Variants in HS6ST1 observed in about 807,000 individuals in gnomAD.
HS6ST1 encodes heparan sulfate 6-O-sulfotransferase 1.
Under a neutral mutation model 25.2 loss-of-function variants are expected in HS6ST1, and 3 were observed. That is an observed-to-expected ratio of 0.12 (90% CI 0.05 to 0.31). HS6ST1 has a LOEUF of 0.31. HS6ST1 is among the 10% of genes least tolerant of loss of function. The probability of loss-of-function intolerance (pLI) is 1.00; values close to 1 mark genes in which losing one functional copy is unlikely to be tolerated. For synonymous variants in HS6ST1, 204 were observed against 275.1 expected, an observed-to-expected ratio of 0.74 and a Z score of 2.56; for missense variants, 310 against 609.6, an observed-to-expected ratio of 0.51 and a Z score of 5.18.
intron 1 of HS6ST1, among the ~76,000 whole-genome samples, chr2:128,281,220 G>T (rs574689356): frequency 6.6e-6 from 1 of 152,222 alleles, no homozygotes; most frequent in Non-Finnish European, 1.5e-5. Flanking sequence ...GCCTCATGAC[G>T]CTGCTTCTGC....
rs191787262 is a variant in HS6ST1 at position 128,266,294 on chromosome 2, C to G, written c.*1868G>C. The G allele has an allele frequency of 6.6e-6, 1 of 152,338 alleles. No homozygotes were observed. Among genetic ancestry groups the G allele is most frequent in the Non-Finnish European group, 1.5e-5 (1 of 68,146 alleles). The allele number at this position is 152,338 out of a possible 1,614,324, so 9.4% of individuals were successfully genotyped here. ...TGCACCCACCCCCATGTTGAGTGTC[C>G]GAGCAGATTCCCATTGACCCTGACC... On this transcript the variant is annotated 3_prime_UTR_variant, in exon 2 of 2. Transcript: ENST00000259241.
At chr2:128,302,482 C>T (rs563506770) in intron 1 of HS6ST1, among the ~76,000 whole-genome samples, 1 of 152,294 alleles carries the variant, frequency 6.6e-6, no homozygotes, top group East Asian at 1.9e-4. Context: ...TCTGCAGCTC[C>T]TCTAGGTGTA....
rs532660502 is a variant in HS6ST1, at chr2:128,299,799, C to T, written c.527+18238G>A. 5.9e-5 allele frequency among the ~76,000 whole-genome samples: 9 copies of T among 152,324 alleles called. No individual in the cohort carries two copies. In the East Asian group the frequency reaches 1.5e-3, roughly 26 times the overall value. ...GCTCATAACCCCTCCCCCATCCCGG[C>T]CCTGCTAACACAGCCCATCTGCCAG... On this transcript the variant is annotated intron_variant, in intron 1 of 1. Transcript: ENST00000259241.
At chr2:128,282,689 C>T (rs1693805841) in intron 1 of HS6ST1, among the ~76,000 whole-genome samples, 1 of 152,234 alleles carries the variant, frequency 6.6e-6, no homozygotes, top group Non-Finnish European at 1.5e-5. Flanking sequence ...GCCTCTGCAA[C>T]TGCCCCAGCC....
intron 1 of HS6ST1, among the ~76,000 whole-genome samples, chr2:128,288,082 G>A (rs748923481): frequency 2.6e-5 from 4 of 152,344 alleles, no homozygotes; most frequent in African/African-American, 4.8e-5. Context: ...GACTAGGGGC[G>A]GGCTGGCTCG....
intron 1 of HS6ST1, among the ~76,000 whole-genome samples, chr2:128,289,358 A>G (rs934325481): frequency 6.6e-6 from 1 of 152,112 alleles, no homozygotes; most frequent in Non-Finnish European, 1.5e-5. Context: ...CCCAGCAGGC[A>G]TTTGCTCATT....
chr2:128,311,055 C>T (rs1264961384), intron 1 of HS6ST1, among the ~76,000 whole-genome samples: 2 of 152,132 alleles, frequency 1.3e-5, no homozygotes, highest in Non-Finnish European at 2.9e-5. Context: ...TCCACTCCCT[C>T]AGGGCACTGC....
intron 1 of HS6ST1, among the ~76,000 whole-genome samples, chr2:128,280,767 T>C (rs1693774364): frequency 6.6e-6 from 1 of 152,074 alleles, no homozygotes; most frequent in South Asian, 2.1e-4. Context: ...ATGACATCAG[T>C]GGTCAGGTGC....
intron 1 of HS6ST1, among the ~76,000 whole-genome samples, chr2:128,278,848 AT>A (rs1693736535): frequency 6.6e-6 from 1 of 152,232 alleles, no homozygotes. Flanking sequence ...ACATTTTACT[AT>A]AAAAATGTTT....
intron 1 of HS6ST1, among the ~76,000 whole-genome samples, chr2:128,292,123 G>C (rs1301074192): frequency 6.6e-6 from 1 of 152,194 alleles, no homozygotes; most frequent in Admixed American, 6.5e-5. Context: ...AGGCCGGGGG[G>C]GCTGGGCCCA....
chr2:128,307,167 G>A (rs964563497), intron 1 of HS6ST1, among the ~76,000 whole-genome samples: 8 of 152,180 alleles, frequency 5.3e-5, no homozygotes, highest in Admixed American at 2.0e-4. Context: ...GCCCTGGCAC[G>A]TGAGGAACTG....
At chr2:128,270,916 A>T (rs1693600386) in intron 1 of HS6ST1, among the ~76,000 whole-genome samples, 1 of 152,234 alleles carries the variant, frequency 6.6e-6, no homozygotes, top group Non-Finnish European at 1.5e-5. Context: ...TGCACAGTGC[A>T]GCAGGCCCCA....
At chr2:128,300,369 C>A (rs767521563) in intron 1 of HS6ST1, among the ~76,000 whole-genome samples, 3 of 152,174 alleles carry the variant, frequency 2.0e-5, no homozygotes, top group Non-Finnish European at 4.4e-5. Flanking sequence ...TCTCCCAAAC[C>A]AGCGCCGCCT....
intron 1 of HS6ST1, 97 bp downstream of exon 1, chr2:128,317,940 G>A: frequency 3.0e-6 from 4 of 1,317,158 alleles, no homozygotes; most frequent in African/African-American, 1.6e-5. Flanking sequence ...GGCAGAAGGG[G>A]GTAGGGAAGG....
At chr2:128,285,611 G>A (rs987988040) in intron 1 of HS6ST1, among the ~76,000 whole-genome samples, 1 of 148,462 alleles carries the variant, frequency 6.7e-6, no homozygotes, top group Admixed American at 6.7e-5. Flanking sequence ...CTGTCTGCCA[G>A]CACCTGGGCC....
Position 128,298,329 on chromosome 2 carries a change from A to G in HS6ST1, c.527+19708T>C, listed in dbSNP as rs528780466. Reference sequence around the variant, plus strand: ...AATTCCTCTTTTAGATATATTCCCAAACAATCTAAAAGCAGAGACTTAAAC... The same window carrying G: ...AATTCCTCTTTTAGATATATTCCCAGACAATCTAAAAGCAGAGACTTAAAC... On this transcript the variant is annotated intron_variant, in intron 1 of 1. Transcript: ENST00000259241. Among the ~76,000 whole-genome samples the G allele has an allele frequency of 2.6e-5, 4 of 152,280 alleles. No homozygotes were observed. The South Asian group carries it at 8.3e-4, about 32-fold the overall frequency.
chr2:128,299,129 T>C (rs1027468455), intron 1 of HS6ST1, among the ~76,000 whole-genome samples: 1 of 152,212 alleles, frequency 6.6e-6, no homozygotes, highest in Non-Finnish European at 1.5e-5. Flanking sequence ...AGGACCCAGT[T>C]TCTGTTCTTT....
At chr2:128,295,133 T>C (rs1459149466) in intron 1 of HS6ST1, among the ~76,000 whole-genome samples, 1 of 152,196 alleles carries the variant, frequency 6.6e-6, no homozygotes, top group Non-Finnish European at 1.5e-5. Flanking sequence ...CCCTCTGTCC[T>C]GAAGGGCTAC....
chr2:128,315,294 A>G (rs968281448), intron 1 of HS6ST1, among the ~76,000 whole-genome samples: 2 of 152,162 alleles, frequency 1.3e-5, no homozygotes, highest in Non-Finnish European at 2.9e-5. Flanking sequence ...GTCCATCTCC[A>G]TGGATGCCCA....
Sources: gnomAD v4.1 joint callset for allele counts (sites outside exome capture counted in the v4.1 genomes callset) on GRCh38, gnomAD v4.1.1 for gene constraint, MANE v1.5 for transcripts, NCBI Gene and HGNC (gene_info 2026-07-23, HGNC 2026-07-21) for gene names.